Variants in TRIM77 observed in about 807,000 individuals in gnomAD.
The protein encoded by TRIM77 is tripartite motif containing 77, also known as tripartite motif-containing protein 77.
A neutral mutation model predicts 31.8 loss-of-function variants in TRIM77; 23 were observed. The ratio of observed to expected loss-of-function variants is 0.72; its 90% CI spans 0.52 to 1.02. The LOEUF (loss-of-function observed/expected upper bound fraction) is 1.02, where lower values mean the gene tolerates loss of function less well. Ranked by LOEUF, TRIM77 falls within the 50% of genes least tolerant of loss-of-function variation. The probability of loss-of-function intolerance (pLI) is 0.00; values close to 1 mark genes in which losing one functional copy is unlikely to be tolerated. For missense variants in TRIM77, 446 were observed against 539.2 expected (o/e 0.83, Z 1.71); for synonymous variants, 159 against 183.1 (o/e 0.87, Z 1.06).
chr11:89,715,623 G>T (rs1949155498), intron 4 of TRIM77, among the ~76,000 whole-genome samples: 1 of 152,176 alleles, frequency 6.6e-6, no homozygotes, highest in South Asian at 2.1e-4. Flanking sequence ...GAAATTAAAT[G>T]AGTATTTCTG....
chr11:89,712,569 A>G (rs985980607), intron 2 of TRIM77, among the ~76,000 whole-genome samples: 1 of 152,240 alleles, frequency 6.6e-6, no homozygotes, highest in Non-Finnish European at 1.5e-5. Flanking sequence ...CAGGGATAAG[A>G]AAGTGCAGAA....
At chr11:89,710,839 C>T in intron 1 of TRIM77, 130 bp downstream of exon 1, 1 of 797,798 alleles carries the variant, frequency 1.3e-6, no homozygotes, top group Non-Finnish European at 1.9e-6. Context: ...TTGCTTATGA[C>T]CATAAATTAG....
chr11:89,712,397 C>A (rs771796871), intron 2 of TRIM77, among the ~76,000 whole-genome samples: 5 of 152,062 alleles, frequency 3.3e-5, no homozygotes, highest in Non-Finnish European at 5.9e-5. Context: ...GATCGCTTAC[C>A]CTAGGAGTCT....
At position 89,710,624 on chromosome 11, in the gene TRIM77, G is replaced by T; in HGVS notation, c.326G>T (p.Ser109Ile). The T allele has an allele frequency of 6.4e-7, 1 of 1,551,306 alleles. No individual in the cohort carries two copies. Among genetic ancestry groups the T allele is most frequent in the Non-Finnish European group, 8.7e-7 (1 of 1,146,748 alleles). ...IKNLICETDR[S>I]LLCFLCSQSP... ...AACCTCATCTGTGAAACTGATAGGA[G>T]CCTGCTGTGTTTTCTATGCTCTCAA... The change falls in exon 1 of 6, where the codon AGC becomes ATC. Residue 109 changes from serine (S) to isoleucine (I), a missense_variant. Physicochemically the swap from Ser to Ile is moderately radical, Grantham distance 142. Coordinates refer to ENST00000398290, the MANE Select transcript of TRIM77 (RefSeq NM_001146162.1).
chr11:89,715,689 T>G (rs1236409024), intron 4 of TRIM77, among the ~76,000 whole-genome samples: 2 of 152,204 alleles, frequency 1.3e-5, no homozygotes, highest in Non-Finnish European at 2.9e-5. Flanking sequence ...ATGACTGGGA[T>G]AACATACTTT....
rs537967538 is a variant in TRIM77 at position 89,715,246 on chromosome 11, C to T, written c.761+66C>T. The T allele has an allele frequency of 2.1e-4, 293 of 1,426,936 alleles. 4 individuals are homozygous for T. The highest frequency in any genetic ancestry group is 1.2e-3 in the South Asian group (96 of 81,016). 88.4% of individuals were successfully genotyped at this position (1,426,936 alleles called of 1,614,324 possible). On this transcript the variant is annotated intron_variant, in intron 4 of 5. Coordinates refer to ENST00000398290, the MANE Select transcript of TRIM77 (RefSeq NM_001146162.1). Reference sequence around the variant, plus strand: ...ATAATCAGGCTGTTTCTGCTGGGATCGACCCACACTTTTAGTGAGGAATTT... The same window carrying T: ...ATAATCAGGCTGTTTCTGCTGGGATTGACCCACACTTTTAGTGAGGAATTT...
chr11:89,717,298 G>A (rs573349348), intron 5 of TRIM77, 81 bp from the exon 6 acceptor site: 6 of 1,295,428 alleles, frequency 4.6e-6, no homozygotes, highest in Non-Finnish European at 5.2e-6. Flanking sequence ...TGGTTGTTAA[G>A]CATTTGCCAG....
chr11:89,714,118 C>T, intron 2 of TRIM77, 74 bp from the exon 3 acceptor site: 3 of 984,290 alleles, frequency 3.0e-6, no homozygotes, highest in Non-Finnish European at 4.5e-6. Context: ...AAACATGAAA[C>T]AAAGCAGAAT....
At position 89,710,395 on chromosome 11, in the gene TRIM77, A is replaced by C. The variant is rs1300117540; in HGVS notation, c.97A>C (p.Arg33=). The part of the protein sequence containing the change: ...TDPVTICCGH[R]FCSPCLCLLW... The stretch of plus-strand genomic sequence containing the variant: ...CCCTGTCACCATTTGTTGTGGGCAC[A>C]GATTTTGTAGTCCCTGTCTCTGCCT... The change falls in exon 1 of 6, where the codon AGA becomes CGA. Residue 33 remains arginine (R), a synonymous_variant. Coordinates refer to ENST00000398290, the MANE Select transcript of TRIM77 (RefSeq NM_001146162.1). 6.4e-7 allele frequency: 1 copy of C among 1,552,006 alleles called. No individual in the cohort carries two copies. The highest frequency in any genetic ancestry group is 1.4e-5 in the African/African-American group (1 of 73,188).
chr11:89,711,269 C>G (rs1488988914), intron 1 of TRIM77, 141 bp from the exon 2 acceptor site: 3 of 475,600 alleles, frequency 6.3e-6, no homozygotes, highest in Non-Finnish European at 7.5e-6. Context: ...TCGGACTTGA[C>G]AATCAGTGCC....
Position 89,714,424 on chromosome 11 carries a change from T to C in TRIM77, c.738+2T>C, listed in dbSNP as rs938771871. 3.2e-6 allele frequency: 5 copies of C among 1,547,896 alleles called. No homozygotes were observed. The African/African-American group carries it at 6.9e-5, about 21-fold the overall frequency. On this transcript the variant is annotated splice_donor_variant, in intron 3 of 5. Transcript: ENST00000398290. LOFTEE classifies it high-confidence loss of function. ...AAAGCAGATGTGAACCTGCCTCAGG[T>C]AAAAACTGAAGGAGATCAGGGTGCT... is the stretch of plus-strand genomic sequence containing the variant.
rs1270013923 is a variant in TRIM77, at chr11:89,711,443, A to G, written c.445A>G (p.Lys149Glu). 11 of 1,498,994 alleles carry G rather than the reference A, an allele frequency of 7.3e-6. No homozygotes were observed. The highest frequency in any genetic ancestry group is 9.8e-6 in the Non-Finnish European group (11 of 1,121,268). The allele number at this position is 1,498,994 out of a possible 1,614,324, so 92.9% of individuals were successfully genotyped here. Residue 149 changes from lysine to glutamate, a missense_variant, in exon 2 of 6, where the codon AAA becomes GAA. By Grantham distance (56) the Lys-to-Glu change is moderately conservative. Coordinates refer to ENST00000398290, the MANE Select transcript of TRIM77 (RefSeq NM_001146162.1). The stretch of plus-strand genomic sequence containing the variant: ...CCTGATTCAAATGAAGTCCATCTGG[A>G]AAAAAAAACAGAAAAATCAAAGAAA... ...KLLIQMKSIW[K>E]KKQKNQRNLN...
intron 2 of TRIM77, among the ~76,000 whole-genome samples, chr11:89,711,901 C>T (rs1177422103): frequency 1.3e-5 from 2 of 151,746 alleles, no homozygotes; most frequent in African/African-American, 2.4e-5. Context: ...AGAAATTTAC[C>T]GATGATAATG....
intron 5 of TRIM77, among the ~76,000 whole-genome samples, chr11:89,716,915 G>T: frequency 6.6e-6 from 1 of 151,946 alleles, no homozygotes. Flanking sequence ...TGTTTTCTTG[G>T]CATCTTATGA....
At chr11:89,712,227 A>G (rs1041100334) in intron 2 of TRIM77, among the ~76,000 whole-genome samples, 1 of 152,170 alleles carries the variant, frequency 6.6e-6, no homozygotes, top group African/African-American at 2.4e-5. Flanking sequence ...ATAATAATTG[A>G]TATGTGATAC....
intron 2 of TRIM77, 37 bp downstream of exon 2, chr11:89,711,542 G>A: frequency 8.3e-7 from 1 of 1,210,536 alleles, no homozygotes; most frequent in Non-Finnish European, 1.2e-6. Context: ...AACCAGTTTG[G>A]AATAGAAAAT....
chr11:89,710,355 AGACT>A lies in TRIM77; in HGVS notation c.58_61del (p.Asp20IlefsTer2). Reference sequence around the variant, plus strand: ...GTGAGCTCACCTGCTCGATCTGCACAGACTATTTGACAGACCCTGTCACCATTTG... The same window carrying A: ...GTGAGCTCACCTGCTCGATCTGCACAATTTGACAGACCCTGTCACCATTTG... On this transcript the variant is annotated frameshift_variant, in exon 1 of 6. Coordinates refer to ENST00000398290, the MANE Select transcript of TRIM77 (RefSeq NM_001146162.1). LOFTEE classifies it high-confidence loss of function. 2 of 1,551,710 alleles carry A rather than the reference AGACT, an allele frequency of 1.3e-6. No individual in the cohort carries two copies. The highest frequency in any genetic ancestry group is 1.7e-6 in the Non-Finnish European group (2 of 1,146,714).
rs755836256 is a variant in TRIM77, at chr11:89,714,191, G to C, written c.508-1G>C. On this transcript the variant is annotated splice_acceptor_variant, in intron 2 of 5. Transcript: ENST00000398290. LOFTEE classifies it high-confidence loss of function. ...ATTTAATTAATCAACTATCACTACAGGTTTTTATAAATTTGCGGAGCATGA... is the reference window on the plus strand; with the variant it reads ...ATTTAATTAATCAACTATCACTACACGTTTTTATAAATTTGCGGAGCATGA... The C allele has an allele frequency of 5.2e-6, 8 of 1,543,770 alleles. No homozygotes were observed. Among genetic ancestry groups the C allele is most frequent in the Non-Finnish European group, 7.0e-6 (8 of 1,142,446 alleles).
chr11:89,713,771 G>A (rs1449439946), intron 2 of TRIM77, among the ~76,000 whole-genome samples: 1 of 152,058 alleles, frequency 6.6e-6, no homozygotes, highest in African/African-American at 2.4e-5. Flanking sequence ...TAAAAGCACC[G>A]AGTGTTTTGG....
Sources: allele counts gnomAD v4.1 joint callset (sites outside exome capture counted in the v4.1 genomes callset), GRCh38; gene constraint gnomAD v4.1.1; transcripts MANE v1.5; gene names NCBI Gene and HGNC (gene_info 2026-07-23, HGNC 2026-07-21).